Variants in RAB3GAP2 observed in about 807,000 individuals in gnomAD.
RAB3GAP2 encodes RAB3 GTPase activating non-catalytic protein subunit 2.
In RAB3GAP2, 87 loss-of-function variants were observed where a neutral mutation model predicts 185.3. The ratio of observed to expected loss-of-function variants is 0.47; its 90% CI spans 0.39 to 0.56. RAB3GAP2 has a LOEUF of 0.56. Ranked by LOEUF, RAB3GAP2 falls within the 20% of genes least tolerant of loss-of-function variation. The probability of loss-of-function intolerance (pLI) is 0.00; values close to 1 mark genes in which losing one functional copy is unlikely to be tolerated. For missense variants in RAB3GAP2, 1,492 were observed against 1,638.2 expected, an observed-to-expected ratio of 0.91 and a Z score of 1.54; for synonymous variants, 554 against 576.1, an observed-to-expected ratio of 0.96 and a Z score of 0.55.
chr1:220,232,812 T>C lies in RAB3GAP2; in HGVS notation c.167A>G (p.Glu56Gly). The C allele has an allele frequency of 6.2e-7, 1 of 1,613,728 alleles. No homozygotes were observed. The highest frequency in any genetic ancestry group is 8.5e-7 in the Non-Finnish European group (1 of 1,179,648). ...DDGWGAWEEN[E>G]PQEPEEEGNT... Reference sequence around the variant, plus strand: ...GTAAAGACTTACAGGTTCTTGTGGTTCATTTTCTTCCCATGCTCCCCAACC... The same window carrying C: ...GTAAAGACTTACAGGTTCTTGTGGTCCATTTTCTTCCCATGCTCCCCAACC... Residue 56 changes from glutamate to glycine, a missense_variant, in exon 2 of 35, where the codon GAA becomes GGA. Glu to Gly is a moderately conservative substitution (Grantham distance 98). This residue lies in a region of RAB3GAP2 where 177 missense variants were observed against 160.6 expected (regional missense o/e 1.10). Transcript: ENST00000358951.
chr1:220,172,088 C>G (rs1477259979), intron 22 of RAB3GAP2, 39 bp from the exon 23 acceptor site: 2 of 1,606,534 alleles, frequency 1.2e-6, no homozygotes, highest in Admixed American at 1.7e-5. Flanking sequence ...AAACTCTTAC[C>G]CTGTCAATTT....
At chr1:220,210,550 T>C in intron 6 of RAB3GAP2, 61 bp from the exon 7 acceptor site, 1 of 1,314,186 alleles carries the variant, frequency 7.6e-7, no homozygotes, top group East Asian at 2.3e-5. Flanking sequence ...TTAGCAGGTA[T>C]GGCCAGGCAA....
chr1:220,164,883 T>A (rs897879050), intron 26 of RAB3GAP2, 84 bp from the exon 27 acceptor site: 3 of 1,335,106 alleles, frequency 2.2e-6, no homozygotes, highest in Non-Finnish European at 3.1e-6. Context: ...ACTTCTTACA[T>A]AAATTTCTGC....
rs368311514 is a variant in RAB3GAP2 at position 220,184,040 on chromosome 1, T to G, written c.1994A>C (p.Asp665Ala). 15 of 1,562,642 alleles carry G rather than the reference T, an allele frequency of 9.6e-6. No homozygotes were observed. The highest frequency in any genetic ancestry group is 1.3e-5 in the Non-Finnish European group (15 of 1,137,404). The change falls in exon 19 of 35, where the codon GAT (aspartate) becomes GCT (alanine). Residue 665 changes from aspartate to alanine, a missense_variant. Asp to Ala is a moderately radical substitution (Grantham distance 126, BLOSUM62 -2). Transcript: ENST00000358951. ...LDFHLDTPFS[D>A]NDLALLLRLD... ...ATAAAATGTGGGATTACTCACATTA[T>G]CAGAGAATGGTGTGTCTAAATGAAA...
intron 8 of RAB3GAP2, among the ~76,000 whole-genome samples, chr1:220,204,752 A>ACCC (rs1401575776): frequency 1.0e-5 from 1 of 97,668 alleles, no homozygotes; most frequent in Admixed American, 1.3e-4. Flanking sequence ...CCACCCCACA[A>ACCC]CAGTCCCCGG....
chr1:220,192,960 G>A (rs1263451221), intron 13 of RAB3GAP2, among the ~76,000 whole-genome samples: 1 of 152,060 alleles, frequency 6.6e-6, no homozygotes, highest in Admixed American at 6.6e-5. Flanking sequence ...AATGTAGCAG[G>A]GGCAAGAAAC....
intron 2 of RAB3GAP2, among the ~76,000 whole-genome samples, chr1:220,224,348 C>A (rs1571915145): frequency 6.6e-6 from 1 of 152,040 alleles, no homozygotes; most frequent in East Asian, 1.9e-4. Flanking sequence ...GTACTTATTG[C>A]AGCATTGCTC....
intron 1 of RAB3GAP2, among the ~76,000 whole-genome samples, chr1:220,251,780 C>A (rs1659934808): frequency 1.3e-5 from 2 of 152,110 alleles, no homozygotes; most frequent in Admixed American, 1.3e-4. Context: ...TCAGAAATAA[C>A]CTTAAAAATG....
At chr1:220,245,862 T>A (rs1484915515) in intron 1 of RAB3GAP2, among the ~76,000 whole-genome samples, 1 of 152,234 alleles carries the variant, frequency 6.6e-6, no homozygotes, top group African/African-American at 2.4e-5. Flanking sequence ...CCCTGGCCCC[T>A]GACCCCCGAG....
At chr1:220,159,799 T>C (rs1336871772) in intron 28 of RAB3GAP2, among the ~76,000 whole-genome samples, 2 of 151,916 alleles carry the variant, frequency 1.3e-5, no homozygotes, top group Non-Finnish European at 2.9e-5. Context: ...GGCCGACCAC[T>C]TGAGGTCAGG....
chr1:220,246,704 G>A (rs1275950949), intron 1 of RAB3GAP2, among the ~76,000 whole-genome samples: 1 of 133,668 alleles, frequency 7.5e-6, no homozygotes, highest in Non-Finnish European at 1.6e-5. Context: ...CTCACTCATA[G>A]GTGGGAATTG....
At chr1:220,193,431 A>C in intron 12 of RAB3GAP2, 52 bp from the exon 13 acceptor site, 2 of 1,555,966 alleles carry the variant, frequency 1.3e-6, no homozygotes, top group Non-Finnish European at 1.8e-6. Context: ...GTTCAGAAAC[A>C]TATAACAGAA....
intron 1 of RAB3GAP2, chr1:220,271,368 A>C (rs932023443): frequency 2.6e-5 from 4 of 152,200 alleles, no homozygotes; most frequent in Non-Finnish European, 5.9e-5. Flanking sequence ...AATAAAATAA[A>C]ATAAAATAAA....
intron 1 of RAB3GAP2, among the ~76,000 whole-genome samples, chr1:220,260,412 G>C (rs188680293): frequency 6.2e-4 from 94 of 152,306 alleles, no homozygotes; most frequent in African/African-American, 2.1e-3. Context: ...ATACTATGCA[G>C]CCATAAAAAG....
In RAB3GAP2 at chr1:220,196,236, G is replaced by A. The variant is rs752258077; in HGVS notation, c.960+14C>T. On this transcript the variant is annotated intron_variant, in intron 10 of 34. Transcript: ENST00000358951. ...AAGAGCAGCCTTACTCATGATCATT[G>A]ATAAAACTCATACCTCTAAAGCATA... 3.6e-5 allele frequency: 58 copies of A among 1,611,010 alleles called. No homozygotes were observed. The East Asian group carries it at 3.8e-4, about 11-fold the overall frequency.
At chr1:220,255,952 G>C (rs1243438760) in intron 1 of RAB3GAP2, among the ~76,000 whole-genome samples, 1 of 152,140 alleles carries the variant, frequency 6.6e-6, no homozygotes, top group African/African-American at 2.4e-5. Flanking sequence ...TACTCCTCAA[G>C]AAGATCAACC....
rs369525298 is a variant in RAB3GAP2 at position 220,262,550 on chromosome 1, T to C, written c.115+9673A>G. Among the ~76,000 whole-genome samples, 158 of 152,384 alleles carry C rather than the reference T, an allele frequency of 1.0e-3. 4 individuals carry two copies. In the South Asian group the frequency reaches 0.031, roughly 30 times the overall value. ...AAATGACTACTTTAGCTTCCTCATG[T>C]AAGTGGAATCATATAGTAGTTGTCT... On this transcript the variant is annotated intron_variant, in intron 1 of 34. Coordinates refer to ENST00000358951, the MANE Select transcript of RAB3GAP2 (RefSeq NM_012414.4).
chr1:220,185,715 T>A lies in RAB3GAP2; in HGVS notation c.1806A>T (p.Glu602Asp). Reference protein sequence around the residue: ...KQALESILASERLPFSCLRNI... With the variant: ...KQALESILASDRLPFSCLRNI... Reference sequence around the variant, plus strand: ...TTCTAAGGCAAGAAAATGGTAAACGTTCACTTGCCAAAATGCTTTCCAAAG... The same window carrying A: ...TTCTAAGGCAAGAAAATGGTAAACGATCACTTGCCAAAATGCTTTCCAAAG... Residue 602 changes from glutamate to aspartate, a missense_variant, in exon 18 of 35, where the codon GAA becomes GAT. Glu to Asp is a conservative substitution (Grantham distance 45). Coordinates refer to ENST00000358951, the MANE Select transcript of RAB3GAP2 (RefSeq NM_012414.4). The A allele has an allele frequency of 6.2e-7, 1 of 1,612,426 alleles. No homozygotes were observed. Among genetic ancestry groups the A allele is most frequent in the Non-Finnish European group, 8.5e-7 (1 of 1,178,784 alleles).
At chr1:220,152,592 A>T (rs1007162577) in intron 33 of RAB3GAP2, among the ~76,000 whole-genome samples, 2 of 151,908 alleles carry the variant, frequency 1.3e-5, no homozygotes, top group African/African-American at 4.8e-5. Flanking sequence ...CTGTTCCCCC[A>T]GTTTCTGAGT....
Sources: gnomAD v4.1 joint callset for allele counts (sites outside exome capture counted in the v4.1 genomes callset) on GRCh38, gnomAD v4.1.1 for gene constraint, gnomAD v4.1.1 regional missense constraint, MANE v1.5 for transcripts, NCBI Gene and HGNC (gene_info 2026-07-23, HGNC 2026-07-21) for gene names.